The following TERB1 variants were observed in gnomAD, a reference collection of about 807,000 sequenced individuals.
The protein encoded by TERB1 is telomere repeat binding bouquet formation protein 1.
TERB1 carries 63 observed loss-of-function variants against 92.3 expected under a neutral mutation model. The observed-to-expected ratio is 0.68, with a 90% CI of 0.56 to 0.84. The LOEUF is 0.84. Ranked by LOEUF, TERB1 falls within the 40% of genes least tolerant of loss-of-function variation. The pLI, the probability that TERB1 is intolerant of heterozygous loss-of-function variation, is 0.00. For synonymous variants in TERB1, 252 were observed against 283.9 expected, an observed-to-expected ratio of 0.89 and a Z score of 1.13; for missense variants, 709 against 843.7, an observed-to-expected ratio of 0.84 and a Z score of 1.98.
intron 15 of TERB1, among the ~76,000 whole-genome samples, chr16:66,767,732 CT>C (rs797009564): frequency 0.02 from 2,947 of 144,508 alleles, 83 homozygotes; most frequent in African/African-American, 0.066. Flanking sequence ...TAGCAATGGA[CT>C]TTTTTTTTTT....
At chr16:66,780,512 G>A (rs1056463152) in intron 9 of TERB1, among the ~76,000 whole-genome samples, 5 of 151,940 alleles carry the variant, frequency 3.3e-5, no homozygotes, top group African/African-American at 7.3e-5. Context: ...TGAGGCTGCA[G>A]TGACCCATGA....
At chr16:66,781,780 A>G (rs1011726815) in intron 9 of TERB1, among the ~76,000 whole-genome samples, 8 of 152,188 alleles carry the variant, frequency 5.3e-5, no homozygotes, top group African/African-American at 1.7e-4. Flanking sequence ...TCGGCCTCCC[A>G]AAGTGCTGGC....
At chr16:66,787,289 T>C (rs142988092) in intron 6 of TERB1, among the ~76,000 whole-genome samples, 1,986 of 151,184 alleles carry the variant, frequency 0.013, 40 homozygotes, top group South Asian at 0.093. Context: ...TTTTCTTTTT[T>C]TTTTTTTTTT....
At position 66,785,021 on chromosome 16, in the gene TERB1, CT is replaced by C. The variant is rs76944260; in HGVS notation, c.700+764del. 2.8e-3 allele frequency among the ~76,000 whole-genome samples: 332 copies of C among 118,240 alleles called. 1 individual carries two copies. Among genetic ancestry groups the C allele is most frequent in the Middle Eastern group, 0.011 (2 of 176 alleles). The allele number at this position is 118,240 out of a possible 152,430, so 77.6% of individuals were successfully genotyped here. On this transcript the variant is annotated intron_variant, in intron 9 of 18. Transcript: ENST00000433154. ...TACAGGTGTGACCCACTGCGTCTGG[CT>C]TTTTTTTTTTTTTTTTTGAGACAGT...
intron 16 of TERB1, among the ~76,000 whole-genome samples, chr16:66,760,441 A>G (rs2018217330): frequency 8.1e-6 from 1 of 122,796 alleles, no homozygotes; most frequent in East Asian, 2.3e-4. Context: ...TGGGTGACAG[A>G]GCGAGACTCC....
intron 18 of TERB1, among the ~76,000 whole-genome samples, chr16:66,756,484 T>G (rs984790137): frequency 6.6e-6 from 1 of 152,210 alleles, no homozygotes; most frequent in Non-Finnish European, 1.5e-5. Context: ...AGGTAGTCAA[T>G]AAATACTTGT....
In TERB1 at chr16:66,794,558, C is replaced by G. The variant is rs78096147; in HGVS notation, c.31+2210G>C. ...TTTTTATCTTCTCTAGGCAAAGTAA[C>G]CTAGTTCCTTCAATACCTCCTGAAT... On this transcript the variant is annotated intron_variant, in intron 3 of 18. Coordinates refer to ENST00000433154, the MANE Select transcript of TERB1 (RefSeq NM_001136505.2). Among the ~76,000 whole-genome samples, 21 of 152,280 alleles carry G rather than the reference C, an allele frequency of 1.4e-4. No homozygotes were observed. The East Asian group carries it at 4.1e-3, about 29-fold the overall frequency.
chr16:66,769,635 A>C (rs1294994971), intron 14 of TERB1, among the ~76,000 whole-genome samples: 3 of 152,230 alleles, frequency 2.0e-5, no homozygotes, highest in Non-Finnish European at 4.4e-5. Flanking sequence ...TACTTCAAGT[A>C]AAGGGTTTCC....
rs576930237 is a variant in TERB1 at position 66,801,509 on chromosome 16, A to G, written c.-151T>C. 4.6e-5 allele frequency: 7 copies of G among 152,342 alleles called. No homozygotes were observed. In the East Asian group the frequency reaches 1.4e-3, roughly 30 times the overall value. 9.4% of individuals were successfully genotyped at this position (152,342 alleles called of 1,614,324 possible). A position where few individuals can be genotyped will look rare whatever the true frequency, so the allele number is the denominator to read the frequency against. ...GTAAGGCAGGACAACAACGCGCGGG[A>G]GCGGAGGCCGTGGCGTCTACCCTCA... On this transcript the variant is annotated 5_prime_UTR_variant, in exon 1 of 19. Coordinates refer to ENST00000433154, the MANE Select transcript of TERB1 (RefSeq NM_001136505.2).
Position 66,775,323 on chromosome 16 carries a change from T to C in TERB1, c.986-80A>G, listed in dbSNP as rs1200128437. 3.0e-6 allele frequency: 4 copies of C among 1,335,118 alleles called. No homozygotes were observed. The African/African-American group carries it at 5.9e-5, about 20-fold the overall frequency. The allele number at this position is 1,335,118 out of a possible 1,614,324, so 82.7% of individuals were successfully genotyped here. ...GGTCATAATTCTTCCTTGTGATAAT[T>C]ATGAACATAGTTCAAAATTTTAAAA... On this transcript the variant is annotated intron_variant, in intron 11 of 18. Coordinates refer to ENST00000433154, the MANE Select transcript of TERB1 (RefSeq NM_001136505.2).
intron 3 of TERB1, among the ~76,000 whole-genome samples, chr16:66,794,924 C>CACAG (rs2018904502): frequency 7.0e-6 from 1 of 143,688 alleles, no homozygotes; most frequent in African/African-American, 2.6e-5. Context: ...AAAAAAAAAA[C>CACAG]ACACACACAC....
At chr16:66,801,875 G>A (rs964479109), upstream of TERB1, among the ~76,000 whole-genome samples, 1 of 152,228 alleles carries the variant, frequency 6.6e-6, no homozygotes, top group Non-Finnish European at 1.5e-5. Flanking sequence ...TGGCCGCGAA[G>A]CACAGGACGG....
intron 8 of TERB1, 31 bp downstream of exon 8, chr16:66,785,983 A>AT: frequency 2.0e-6 from 3 of 1,528,460 alleles, no homozygotes; most frequent in Non-Finnish European, 2.6e-6. Context: ...TTTTATCTTT[A>AT]TTTTTATATT....
intron 11 of TERB1, 46 bp downstream of exon 11, chr16:66,777,156 TC>T: frequency 6.8e-7 from 1 of 1,461,934 alleles, no homozygotes; most frequent in Non-Finnish European, 9.1e-7. Context: ...GAAGTATATT[TC>T]CGCTTTACTA....
At chr16:66,786,459 T>C (rs952712094) in intron 6 of TERB1, among the ~76,000 whole-genome samples, 174 bp from the exon 7 acceptor site, 1 of 152,198 alleles carries the variant, frequency 6.6e-6, no homozygotes, top group Non-Finnish European at 1.5e-5. Context: ...TTATGAAAAA[T>C]ATGTCACTAC....
chr16:66,761,465 A>AAG (rs547316921), intron 16 of TERB1, among the ~76,000 whole-genome samples: 46 of 149,194 alleles, frequency 3.1e-4, no homozygotes, highest in Middle Eastern at 3.4e-3. Flanking sequence ...AAAAAAAAAA[A>AAG]AAAGAAAGAA....
chr16:66,771,232 GATAA>G (rs2018445316), intron 13 of TERB1, among the ~76,000 whole-genome samples: 1 of 151,878 alleles, frequency 6.6e-6, no homozygotes, highest in South Asian at 2.1e-4. Flanking sequence ...TCCCACTTAA[GATAA>G]ATAAATATTA....
At chr16:66,797,605 G>C (rs1470059573) in intron 2 of TERB1, among the ~76,000 whole-genome samples, 1 of 144,636 alleles carries the variant, frequency 6.9e-6, no homozygotes, top group Non-Finnish European at 1.5e-5. Flanking sequence ...CTCTACCTAA[G>C]AGAGGTTTAA....
chr16:66,797,661 A>ACACT (rs1162593919), intron 2 of TERB1, among the ~76,000 whole-genome samples: 1 of 148,488 alleles, frequency 6.7e-6, no homozygotes, highest in East Asian at 2.0e-4. Flanking sequence ...ACACACACAC[A>ACACT]CTCTTTAGAT....
Sources: allele counts gnomAD v4.1 joint callset (sites outside exome capture counted in the v4.1 genomes callset), GRCh38; gene constraint gnomAD v4.1.1; transcripts MANE v1.5; gene names NCBI Gene and HGNC (gene_info 2026-07-23, HGNC 2026-07-21).